AKAP19: variants seen among roughly 807,000 people sequenced by gnomAD.
AKAP19 encodes the protein A-kinase anchoring protein 19, also known as small A-kinase anchoring protein.
chr2:189,926,115 G>A, the AKAP19 span, among the ~76,000 whole-genome samples: 2 of 152,022 alleles, frequency 1.3e-5, no homozygotes, highest in East Asian at 1.9e-4. Flanking sequence ...ATTGATATTC[G>A]GTTGATCACA....
At chr2:190,094,521 C>G in the AKAP19 span, among the ~76,000 whole-genome samples, 1 of 152,190 alleles carries the variant, frequency 6.6e-6, no homozygotes, top group African/African-American at 2.4e-5. Flanking sequence ...TGCTTAAAAA[C>G]AGCAGGGGAG....
At chr2:190,040,036 C>T in the AKAP19 span, among the ~76,000 whole-genome samples, 29 of 152,158 alleles carry the variant, frequency 1.9e-4, no homozygotes, top group African/African-American at 7.0e-4. Flanking sequence ...TGGGTATATA[C>T]CCAGTAATGG....
chr2:190,143,341 A>T, the AKAP19 span, among the ~76,000 whole-genome samples: 2 of 151,494 alleles, frequency 1.3e-5, no homozygotes, highest in African/African-American at 4.9e-5. Flanking sequence ...ACCATGGAAC[A>T]TGCCGTTCCC....
chr2:190,095,772 T>A, the AKAP19 span, among the ~76,000 whole-genome samples: 2 of 152,178 alleles, frequency 1.3e-5, no homozygotes, highest in Non-Finnish European at 2.9e-5. Flanking sequence ...GTATTATATA[T>A]GATATACACA....
chr2:190,050,143 GCAATGTAGA>G, the AKAP19 span, among the ~76,000 whole-genome samples: 1 of 152,216 alleles, frequency 6.6e-6, no homozygotes, highest in African/African-American at 2.4e-5. Flanking sequence ...GCTCTGCTGT[GCAATGTAGA>G]CAGGCAGCAT....
the AKAP19 span, among the ~76,000 whole-genome samples, chr2:190,121,189 T>A: frequency 6.6e-6 from 1 of 150,842 alleles, no homozygotes; most frequent in Non-Finnish European, 1.5e-5. Flanking sequence ...CATGGCTCAC[T>A]GCAGCCTTGA....
the AKAP19 span, among the ~76,000 whole-genome samples, chr2:189,902,396 T>A: frequency 6.6e-6 from 1 of 152,052 alleles, no homozygotes; most frequent in African/African-American, 2.4e-5. Context: ...ATATGAGAAT[T>A]AAGAAGTTTG....
the AKAP19 span, among the ~76,000 whole-genome samples, chr2:190,139,595 G>A: frequency 7.9e-5 from 12 of 152,266 alleles, no homozygotes; most frequent in African/African-American, 2.9e-4. Context: ...GTGGCGGCAA[G>A]GAGTAGTGCT....
At chr2:189,885,593 G>A in the AKAP19 span, among the ~76,000 whole-genome samples, 2 of 152,212 alleles carry the variant, frequency 1.3e-5, no homozygotes, top group South Asian at 4.1e-4. Context: ...ATTTTGTGGT[G>A]ATTTGTTTTG....
the AKAP19 span, among the ~76,000 whole-genome samples, chr2:190,180,237 G>C: frequency 4.6e-5 from 7 of 152,382 alleles, no homozygotes; most frequent in South Asian, 1.5e-3. This position sits in a 1 kb window ranked among gnomAD's most constrained non-coding sequence, Gnocchi z 6.8. Context: ...GGTCAAAGCA[G>C]GTCTGGCAGC....
At chr2:189,933,780 C>T in the AKAP19 span, among the ~76,000 whole-genome samples, 3 of 151,964 alleles carry the variant, frequency 2.0e-5, no homozygotes, top group East Asian at 5.8e-4. Context: ...TTTTAAAAAC[C>T]TGCTTAACTC....
At chr2:190,144,570 T>C in the AKAP19 span, among the ~76,000 whole-genome samples, 1 of 152,242 alleles carries the variant, frequency 6.6e-6, no homozygotes, top group Admixed American at 6.5e-5. Context: ...TCATGTATTT[T>C]TTATCCTCCC....
chr2:189,884,554 C>G, the AKAP19 span, among the ~76,000 whole-genome samples: 1 of 152,178 alleles, frequency 6.6e-6, no homozygotes, highest in African/African-American at 2.4e-5. Flanking sequence ...GCCACACACA[C>G]ACATTCAGCT....
chr2:190,080,625 C>G, the AKAP19 span, among the ~76,000 whole-genome samples: 1 of 152,200 alleles, frequency 6.6e-6, no homozygotes, highest in South Asian at 2.1e-4. Flanking sequence ...GGACATAGGT[C>G]AGTTCAATTC....
the AKAP19 span, among the ~76,000 whole-genome samples, chr2:189,993,587 T>A: frequency 6.6e-6 from 1 of 152,230 alleles, no homozygotes; most frequent in Admixed American, 6.5e-5. Context: ...TACCAATTCT[T>A]CTTTGAATGC....
chr2:190,081,552 A>G, the AKAP19 span, among the ~76,000 whole-genome samples: 1 of 151,908 alleles, frequency 6.6e-6, no homozygotes, highest in East Asian at 1.9e-4. Context: ...ACTTTTTCAT[A>G]TTTTGCATGA....
At chr2:190,017,160 G>A in the AKAP19 span, among the ~76,000 whole-genome samples, 1 of 151,964 alleles carries the variant, frequency 6.6e-6, no homozygotes, top group Non-Finnish European at 1.5e-5. Flanking sequence ...TTCACTTTCA[G>A]TCTGTGTCCT....
chr2:189,908,372 C>G, the AKAP19 span, among the ~76,000 whole-genome samples: 9 of 151,556 alleles, frequency 5.9e-5, no homozygotes, highest in African/African-American at 2.2e-4. Flanking sequence ...TCTTTTTGTA[C>G]TTTTAGTAGA....
chr2:190,025,715 C>T, the AKAP19 span, among the ~76,000 whole-genome samples: 1 of 152,242 alleles, frequency 6.6e-6, no homozygotes, highest in African/African-American at 2.4e-5. Context: ...GAGATGCCAT[C>T]GATATAACTG....
Sources: gnomAD v4.1 joint callset for allele counts (sites outside exome capture counted in the v4.1 genomes callset) on GRCh38, gnomAD v4.1.1 for gene constraint, Gnocchi (gnomAD v3.1) non-coding constraint, MANE v1.5 for transcripts, NCBI Gene and HGNC (gene_info 2026-07-23, HGNC 2026-07-21) for gene names.